The following PAH variants were observed in gnomAD, a reference collection of about 807,000 sequenced individuals.
PAH encodes the protein phenylalanine hydroxylase.
A neutral mutation model predicts 62.0 loss-of-function variants in PAH; 64 were observed. The observed-to-expected ratio is 1.03, with a 90% CI of 0.84 to 1.27. The LOEUF (loss-of-function observed/expected upper bound fraction) is 1.27, where lower values mean the gene tolerates loss of function less well. Ranked by LOEUF, PAH falls within the 50% of genes most tolerant of loss-of-function variation. The probability of loss-of-function intolerance (pLI) is 0.00; values close to 1 mark genes in which losing one functional copy is unlikely to be tolerated. For missense variants in PAH, 579 were observed against 542.8 expected (o/e 1.07, Z -0.66); for synonymous variants, 195 against 196.2 (o/e 0.99, Z 0.05).
intron 1 of PAH, among the ~76,000 whole-genome samples, chr12:102,927,328 G>C (rs931642553): frequency 3.3e-5 from 5 of 149,812 alleles, no homozygotes; most frequent in African/African-American, 1.2e-4. Context: ...TCAGAGGTGG[G>C]CATCCTTCCT....
chr12:102,935,913 T>C (rs1879084913), intron 1 of PAH, among the ~76,000 whole-genome samples: 1 of 151,974 alleles, frequency 6.6e-6, no homozygotes, highest in Non-Finnish European at 1.5e-5. Flanking sequence ...TATTTTTTTT[T>C]CTTCTATTAA....
intron 2 of PAH, among the ~76,000 whole-genome samples, chr12:102,900,895 G>A (rs1009268125): frequency 3.9e-5 from 6 of 152,136 alleles, no homozygotes; most frequent in Admixed American, 2.0e-4. Flanking sequence ...TGGGCATCTC[G>A]GGGAAGGCAA....
chr12:102,940,280 C>A (rs1879246006), intron 1 of PAH, among the ~76,000 whole-genome samples: 1 of 152,338 alleles, frequency 6.6e-6, no homozygotes, highest in South Asian at 2.1e-4. Flanking sequence ...AGCTTCTCAT[C>A]TCCAAAAGAC....
At chr12:102,884,250 G>A (rs1433171421) in intron 3 of PAH, among the ~76,000 whole-genome samples, 1 of 152,212 alleles carries the variant, frequency 6.6e-6, no homozygotes, top group Non-Finnish European at 1.5e-5. Flanking sequence ...TGAGGAACAA[G>A]ACCAGGGAGA....
At chr12:102,933,636 T>G (rs554738370) in intron 1 of PAH, among the ~76,000 whole-genome samples, 24 of 152,252 alleles carry the variant, frequency 1.6e-4, no homozygotes, top group African/African-American at 5.1e-4. Flanking sequence ...TTATAAGCCA[T>G]TTTAACTGGG....
chr12:102,866,153 G>A (rs1875948780), intron 5 of PAH, among the ~76,000 whole-genome samples: 1 of 151,226 alleles, frequency 6.6e-6, no homozygotes, highest in South Asian at 2.1e-4. Context: ...GAAAGCTGAA[G>A]TTTGGCTGGC....
At chr12:102,897,255 A>G (rs1877542134) in intron 2 of PAH, among the ~76,000 whole-genome samples, 1 of 151,976 alleles carries the variant, frequency 6.6e-6, no homozygotes, top group African/African-American at 2.4e-5. Flanking sequence ...AATATTCTTG[A>G]CTTGACAGAT....
chr12:102,947,177 G>T (rs1011230526), intron 1 of PAH, among the ~76,000 whole-genome samples: 1 of 152,080 alleles, frequency 6.6e-6, no homozygotes. Context: ...GTGTGTGTTT[G>T]TGTGTGTATA....
At position 102,843,653 on chromosome 12, in the gene PAH, T is replaced by A. The variant is rs2136635468; in HGVS notation, c.1192A>T (p.Lys398Ter). The change falls in exon 11 of 13, where the codon AAA becomes TAA. Residue 398 changes from lysine (K) to a stop codon, truncating the protein, a stop_gained. Transcript: ENST00000553106. LOFTEE classifies it high-confidence loss of function. Reference protein sequence around the residue: ...VAESFNDAKEKVRNFAATIPR... With the variant: ...VAESFNDAKE ...CCTTTGTCACCACCTCACCTTACTTTCTCCTTGGCATCATTAAAACTCTCT... is the reference window on the plus strand; with the variant it reads ...CCTTTGTCACCACCTCACCTTACTTACTCCTTGGCATCATTAAAACTCTCT... The A allele has an allele frequency of 1.2e-6, 2 of 1,613,682 alleles. No individual in the cohort carries two copies. The highest frequency in any genetic ancestry group is 1.7e-6 in the Non-Finnish European group (2 of 1,179,824).
intron 2 of PAH, chr12:102,904,679 C>A (rs2136715900): frequency 4.4e-6 from 2 of 450,186 alleles, no homozygotes; most frequent in Non-Finnish European, 4.4e-6. Flanking sequence ...CACTTATTTC[C>A]TTTAATTTCA....
At position 102,911,055 on chromosome 12, in the gene PAH, T is replaced by C. The variant is rs538375753; in HGVS notation, c.168+1736A>G. Among the ~76,000 whole-genome samples the C allele has an allele frequency of 2.0e-5, 3 of 152,306 alleles. No individual in the cohort carries two copies. The South Asian group carries it at 6.2e-4, about 32-fold the overall frequency. On this transcript the variant is annotated intron_variant, in intron 2 of 12. Coordinates refer to ENST00000553106, the MANE Select transcript of PAH (RefSeq NM_000277.3). Reference sequence around the variant, plus strand: ...TTACAATCTCTTGGGGGATAGCTCATCACTGTGGGTTGGTGCAGCAGGTCC... The same window carrying C: ...TTACAATCTCTTGGGGGATAGCTCACCACTGTGGGTTGGTGCAGCAGGTCC...
chr12:102,934,630 A>C (rs1355274513), intron 1 of PAH, among the ~76,000 whole-genome samples: 2 of 151,748 alleles, frequency 1.3e-5, no homozygotes, highest in African/African-American at 2.4e-5. Context: ...CATTGTAGAG[A>C]CCTTTCACTT....
At chr12:102,910,888 CAG>C (rs1328482275) in intron 2 of PAH, among the ~76,000 whole-genome samples, 1 of 152,116 alleles carries the variant, frequency 6.6e-6, no homozygotes, top group Admixed American at 6.5e-5. Context: ...GCCCTTTGCC[CAG>C]AGTCATGACC....
At position 102,837,589 on chromosome 12, in the gene PAH, T is replaced by G. The variant is rs761751171; in HGVS notation, c.*1586A>C. On this transcript the variant is annotated 3_prime_UTR_variant, in exon 13 of 13. Transcript: ENST00000553106. ...ACACATTCAGTAAATTCCTCTTTCC[T>G]CCCAGCTGGCATATATAAGCAGGTA... 6 of 152,338 alleles carry G rather than the reference T, an allele frequency of 3.9e-5. No homozygotes were observed. Among genetic ancestry groups the G allele is most frequent in the South Asian group, 2.1e-4 (1 of 4,830 alleles). The allele number at this position is 152,338 out of a possible 1,614,324, so 9.4% of individuals were successfully genotyped here.
intron 3 of PAH, among the ~76,000 whole-genome samples, chr12:102,887,039 A>G (rs1228790874): frequency 6.6e-6 from 1 of 152,184 alleles, no homozygotes. Context: ...CACATAATTC[A>G]TAACATGCTA....
intron 9 of PAH, among the ~76,000 whole-genome samples, chr12:102,844,834 T>C (rs1012964255): frequency 6.6e-6 from 1 of 152,196 alleles, no homozygotes; most frequent in Non-Finnish European, 1.5e-5. Context: ...CTGAGAGCTA[T>C]ACCATCAACT....
chr12:102,846,207 T>G (rs1161054604), intron 9 of PAH, among the ~76,000 whole-genome samples: 3 of 152,002 alleles, frequency 2.0e-5, no homozygotes, highest in Admixed American at 6.6e-5. Context: ...CTTCTGGGAG[T>G]TTTTAGCCTT....
chr12:102,850,632 A>G (rs1198303467), intron 8 of PAH, among the ~76,000 whole-genome samples: 1 of 152,202 alleles, frequency 6.6e-6, no homozygotes, highest in East Asian at 1.9e-4. Flanking sequence ...AGGGTGGCTG[A>G]TAATGTAACC....
chr12:102,867,096 T>C (rs1300684536), intron 4 of PAH, among the ~76,000 whole-genome samples: 1 of 152,236 alleles, frequency 6.6e-6, no homozygotes. Flanking sequence ...CTTGCAATTT[T>C]TAAAAATACC....
Sources: allele counts gnomAD v4.1 joint callset (sites outside exome capture counted in the v4.1 genomes callset), GRCh38; gene constraint gnomAD v4.1.1; transcripts MANE v1.5; gene names NCBI Gene and HGNC (gene_info 2026-07-23, HGNC 2026-07-21).